The following CPEB2 variants were observed in gnomAD, a reference collection of about 807,000 sequenced individuals.
CPEB2 encodes cytoplasmic polyadenylation element binding protein 2, also known as cytoplasmic polyadenylation element-binding protein 2.
In CPEB2, 56 loss-of-function variants were observed where a neutral mutation model predicts 93.6. The observed-to-expected ratio is 0.60, with a 90% CI of 0.48 to 0.75. The LOEUF (loss-of-function observed/expected upper bound fraction) is 0.75, where lower values mean the gene tolerates loss of function less well. Ranked by LOEUF, CPEB2 falls within the 30% of genes least tolerant of loss-of-function variation. The probability of loss-of-function intolerance (pLI) is 0.00; values close to 1 mark genes in which losing one functional copy is unlikely to be tolerated. For synonymous variants in CPEB2, 764 were observed against 586.3 expected (o/e 1.30, Z -4.38); for missense variants, 1,579 against 1,395.1 (o/e 1.13, Z -2.10).
chr4:15,036,784 A>G lies in CPEB2; in HGVS notation c.2176+3573A>G, dbSNP rs76251494. ...TTGCTGTGATAACCCACATACAGCTATGTATGTCATAAAGAGCTTACTGTA... is the reference window on the plus strand; with the variant it reads ...TTGCTGTGATAACCCACATACAGCTGTGTATGTCATAAAGAGCTTACTGTA... On this transcript the variant is annotated intron_variant, in intron 5 of 11. Transcript: ENST00000538197. Among the ~76,000 whole-genome samples, 1,013 of 152,288 alleles carry G rather than the reference A, an allele frequency of 6.7e-3. 12 individuals are homozygous for G. The highest frequency in any genetic ancestry group is 0.023 in the African/African-American group (953 of 41,564).
chr4:15,063,701 T>A lies in CPEB2; in HGVS notation c.2877+1441T>A, dbSNP rs1477300782. 6 of 152,100 alleles carry A rather than the reference T, an allele frequency of 3.9e-5. No homozygotes were observed. In the South Asian group the frequency reaches 6.2e-4, roughly 16 times the overall value. The allele number at this position is 152,100 out of a possible 1,614,324, so 9.4% of individuals were successfully genotyped here. On this transcript the variant is annotated intron_variant, in intron 11 of 11. Coordinates refer to ENST00000538197, the MANE Select transcript of CPEB2 (RefSeq NM_001177382.2). ...TACCAGAAGAAAAAGACTGTTACAG[T>A]GTCATACCTCATACCTCTTTGTTTC...
In CPEB2 at chr4:15,059,788, A is replaced by G. The variant is rs578145823; in HGVS notation, c.2695+487A>G. 2.5e-3 allele frequency among the ~76,000 whole-genome samples: 382 copies of G among 152,272 alleles called. 2 individuals are homozygous for G. Among genetic ancestry groups the G allele is most frequent in the African/African-American group, 7.5e-3 (313 of 41,572 alleles). On this transcript the variant is annotated intron_variant, in intron 10 of 11. Transcript: ENST00000538197. ...ACCTACCAAAATATGTCACAGAGGA[A>G]TATAATTGTAGATGTATATGCCCAC...
At chr4:15,037,811 T>C (rs749676934) in intron 5 of CPEB2, among the ~76,000 whole-genome samples, 3 of 152,224 alleles carry the variant, frequency 2.0e-5, no homozygotes, top group African/African-American at 4.8e-5. Flanking sequence ...TTTTTCCTTT[T>C]AAAAATCATT....
At position 15,007,199 on chromosome 4, in the gene CPEB2, C is replaced by T. The variant is rs941415033; in HGVS notation, c.1663-106C>T. ...AACCTAGAAAAGATGTATTCTTTTG[C>T]CTTTATATATTTCATTCATATAAAT... On this transcript the variant is annotated intron_variant, in intron 1 of 11. Transcript: ENST00000538197. The T allele has an allele frequency of 3.4e-5, 31 of 917,148 alleles. No individual in the cohort carries two copies. The African/African-American group carries it at 4.8e-4, about 14-fold the overall frequency. 56.8% of individuals were successfully genotyped at this position (917,148 alleles called of 1,614,324 possible).
At chr4:15,009,886 G>T (rs572132381) in intron 3 of CPEB2, among the ~76,000 whole-genome samples, 2 of 152,258 alleles carry the variant, frequency 1.3e-5, no homozygotes, top group South Asian at 2.1e-4. Context: ...CCAGCCTCCG[G>T]GGCTGCCCTC....
chr4:15,038,353 A>C (rs1439428717), intron 5 of CPEB2, among the ~76,000 whole-genome samples: 1 of 151,524 alleles, frequency 6.6e-6, no homozygotes, highest in African/African-American at 2.4e-5. Context: ...ACATTATGAC[A>C]TCATAATTTA....
rs1158152364 is a variant in CPEB2 at position 15,058,578 on chromosome 4, A to G, written c.2580+39A>G. Reference sequence around the variant, plus strand: ...ACATGAACTTCAGGCTACAAATGCAAATTTTTCAAAAATTGTTTTGAAATG... The same window carrying G: ...ACATGAACTTCAGGCTACAAATGCAGATTTTTCAAAAATTGTTTTGAAATG... On this transcript the variant is annotated intron_variant, in intron 9 of 11. Transcript: ENST00000538197. The G allele has an allele frequency of 7.9e-6, 9 of 1,136,630 alleles. No individual in the cohort carries two copies. The South Asian group carries it at 9.2e-5, about 12-fold the overall frequency. 70.4% of individuals were successfully genotyped at this position (1,136,630 alleles called of 1,614,324 possible). A position where few individuals can be genotyped will look rare whatever the true frequency, so the allele number is the denominator to read the frequency against.
At chr4:15,015,931 C>G (rs1724083839) in intron 3 of CPEB2, among the ~76,000 whole-genome samples, 1 of 151,940 alleles carries the variant, frequency 6.6e-6, no homozygotes, top group South Asian at 2.1e-4. Context: ...GCATCTCTGT[C>G]TCTCAGAATA....
At chr4:15,039,139 C>T (rs1034337148) in intron 5 of CPEB2, among the ~76,000 whole-genome samples, 2 of 152,124 alleles carry the variant, frequency 1.3e-5, no homozygotes, top group African/African-American at 4.8e-5. Flanking sequence ...CAACAGATTA[C>T]AAGCTAAATA....
chr4:15,002,732 G>T lies in CPEB2; in HGVS notation c.59G>T (p.Gly20Val), dbSNP rs576831724. 1 of 1,534,436 alleles carries T rather than the reference G, an allele frequency of 6.5e-7. No individual in the cohort carries two copies. The highest frequency in any genetic ancestry group is 1.4e-5 in the African/African-American group (1 of 72,798). Reference protein sequence around the residue: ...QTAPLRSSSPGPLFCGEAYGP... With the variant: ...QTAPLRSSSPVPLFCGEAYGP... Reference sequence around the variant, plus strand: ...GCCCCGCTCCGAAGTAGCAGTCCTGGGCCCCTGTTCTGCGGCGAGGCGTAT... The same window carrying T: ...GCCCCGCTCCGAAGTAGCAGTCCTGTGCCCCTGTTCTGCGGCGAGGCGTAT... The change falls in exon 1 of 12, where the codon GGG becomes GTG. Residue 20 changes from glycine to valine, a missense_variant. By Grantham distance (109) the Gly-to-Val change is moderately radical (BLOSUM62 -3). Coordinates refer to ENST00000538197, the MANE Select transcript of CPEB2 (RefSeq NM_001177382.2).
intron 4 of CPEB2, among the ~76,000 whole-genome samples, chr4:15,032,060 A>G (rs1443568238): frequency 2.0e-5 from 3 of 152,204 alleles, no homozygotes; most frequent in Admixed American, 2.0e-4. Flanking sequence ...AATCCCAGAC[A>G]TTTAATTTTT....
intron 5 of CPEB2, among the ~76,000 whole-genome samples, chr4:15,034,500 C>T (rs1024586902): frequency 2.6e-5 from 4 of 152,112 alleles, no homozygotes; most frequent in Non-Finnish European, 4.4e-5. Flanking sequence ...GTGGACAAGT[C>T]GGCTTTGTGT....
intron 5 of CPEB2, among the ~76,000 whole-genome samples, chr4:15,036,285 T>G (rs1243818890): frequency 6.6e-6 from 1 of 152,210 alleles, no homozygotes; most frequent in East Asian, 1.9e-4. Context: ...GCAGTCTCCT[T>G]CCGAACAGAC....
At chr4:15,011,410 C>T (rs1289831727) in intron 3 of CPEB2, among the ~76,000 whole-genome samples, 1 of 152,118 alleles carries the variant, frequency 6.6e-6, no homozygotes, top group East Asian at 1.9e-4. Context: ...AGTATATCTA[C>T]ATGAATTTGC....
At chr4:15,031,027 C>T (rs1336188043) in intron 4 of CPEB2, among the ~76,000 whole-genome samples, 2 of 152,022 alleles carry the variant, frequency 1.3e-5, no homozygotes, top group African/African-American at 4.8e-5. Context: ...GGAAGTCTTG[C>T]CTTAATCCCT....
chr4:15,050,904 G>A (rs1267765127), intron 6 of CPEB2, among the ~76,000 whole-genome samples: 2 of 152,156 alleles, frequency 1.3e-5, no homozygotes, highest in Non-Finnish European at 2.9e-5. Context: ...TCAGAAATAT[G>A]ACATTTCTTT....
Position 15,044,004 on chromosome 4 carries a change from A to G in CPEB2, c.2200+3517A>G, listed in dbSNP as rs184180859. ...TTTCAATTTGGAACAATTGTGAAGT[A>G]CCCAGGGTAACTGTACACTCCCTAA... On this transcript the variant is annotated intron_variant, in intron 6 of 11. Coordinates refer to ENST00000538197, the MANE Select transcript of CPEB2 (RefSeq NM_001177382.2). Among the ~76,000 whole-genome samples, 56 of 152,290 alleles carry G rather than the reference A, an allele frequency of 3.7e-4. No homozygotes were observed. In the East Asian group the frequency reaches 0.01, roughly 28 times the overall value.
At chr4:15,038,095 A>G (rs1413180328) in intron 5 of CPEB2, among the ~76,000 whole-genome samples, 1 of 152,204 alleles carries the variant, frequency 6.6e-6, no homozygotes, top group African/African-American at 2.4e-5. Context: ...ATTTTTGGTA[A>G]TGTAGATACT....
Position 15,040,474 on chromosome 4 carries a change from T to C in CPEB2, c.2187T>C (p.Tyr729=), listed in dbSNP as rs1009696723. 51 of 1,536,530 alleles carry C rather than the reference T, an allele frequency of 3.3e-5. No individual in the cohort carries two copies. Among genetic ancestry groups the C allele is most frequent in the Non-Finnish European group, 4.4e-5 (50 of 1,147,046 alleles). The part of the protein sequence containing the change: ...DNLLMLNARS[Y]GRRRGRSSLF... ...TTTGTTTACATGCAGCAAGGAGTTATGGGCGAAGACGAGGTAATTCATTTC... is the reference window on the plus strand; with the variant it reads ...TTTGTTTACATGCAGCAAGGAGTTACGGGCGAAGACGAGGTAATTCATTTC... The change falls in exon 6 of 12, where the codon TAT becomes TAC. Residue 729 remains tyrosine, a synonymous_variant. Transcript: ENST00000538197.
Sources: gnomAD v4.1 joint callset for allele counts (sites outside exome capture counted in the v4.1 genomes callset) on GRCh38, gnomAD v4.1.1 for gene constraint, MANE v1.5 for transcripts, NCBI Gene and HGNC (gene_info 2026-07-23, HGNC 2026-07-21) for gene names.